The following SYT9 variants were observed in gnomAD, a reference collection of about 807,000 sequenced individuals.
SYT9 encodes synaptotagmin-9.
Under a neutral mutation model 48.4 loss-of-function variants are expected in SYT9, and 22 were observed. That is an observed-to-expected ratio of 0.45 (90% CI 0.32 to 0.65). SYT9 has a LOEUF of 0.65. Ranked by LOEUF, SYT9 falls within the 30% of genes least tolerant of loss-of-function variation. SYT9 has a pLI of 0.03. For synonymous variants in SYT9, 265 were observed against 245.0 expected (o/e 1.08, Z -0.76); for missense variants, 577 against 622.0 (o/e 0.93, Z 0.77).
chr11:7,240,416 CA>C (rs1847728692), intron 1 of SYT9, among the ~76,000 whole-genome samples: 1 of 152,046 alleles, frequency 6.6e-6, no homozygotes, highest in African/African-American at 2.4e-5. Flanking sequence ...AAAACAAAAA[CA>C]AAAAACTCCA....
chr11:7,369,741 G>T (rs1850322409), intron 3 of SYT9, among the ~76,000 whole-genome samples: 1 of 147,298 alleles, frequency 6.8e-6, no homozygotes. Flanking sequence ...GGATATATAG[G>T]CTTGTTAACT....
intron 1 of SYT9, among the ~76,000 whole-genome samples, chr11:7,260,714 C>T (rs1848062960): frequency 6.6e-6 from 1 of 152,142 alleles, no homozygotes; most frequent in Admixed American, 6.5e-5. Flanking sequence ...AGGTAAGGTC[C>T]TAACAGATTG....
intron 3 of SYT9, among the ~76,000 whole-genome samples, chr11:7,344,143 C>T (rs1478169621): frequency 6.6e-6 from 1 of 152,188 alleles, no homozygotes; most frequent in Admixed American, 6.5e-5. Context: ...AACACTTCCA[C>T]ACTTGATTAT....
intron 3 of SYT9, among the ~76,000 whole-genome samples, chr11:7,337,247 C>A (rs996486018): frequency 6.6e-6 from 1 of 151,938 alleles, no homozygotes; most frequent in African/African-American, 2.4e-5. Flanking sequence ...AGCTTTGGGG[C>A]CAAAAAGATG....
chr11:7,346,746 G>A (rs1039087802), intron 3 of SYT9, among the ~76,000 whole-genome samples: 12 of 152,136 alleles, frequency 7.9e-5, no homozygotes, highest in Non-Finnish European at 4.4e-5. Flanking sequence ...TATGTAATCT[G>A]TCTGCTCAAT....
intron 1 of SYT9, among the ~76,000 whole-genome samples, chr11:7,256,485 G>T (rs1003699050): frequency 6.6e-6 from 1 of 152,194 alleles, no homozygotes. Context: ...AACTAGCCCA[G>T]GGCCATGGAG....
intron 3 of SYT9, among the ~76,000 whole-genome samples, chr11:7,408,253 T>C (rs2134085801): frequency 6.6e-6 from 1 of 152,206 alleles, no homozygotes; most frequent in Non-Finnish European, 1.5e-5. Context: ...CTCAGCCTCC[T>C]GAGTAGCTGG....
chr11:7,416,315 A>G (rs1847247716), intron 4 of SYT9, among the ~76,000 whole-genome samples, 153 bp downstream of exon 4: 1 of 152,208 alleles, frequency 6.6e-6, no homozygotes, highest in African/African-American at 2.4e-5. Context: ...TGGGCAAGTC[A>G]TTTTACCTCT....
At chr11:7,406,458 T>C (rs1003368337) in intron 3 of SYT9, among the ~76,000 whole-genome samples, 1 of 151,580 alleles carries the variant, frequency 6.6e-6, no homozygotes, top group Admixed American at 6.6e-5. Flanking sequence ...CTTAACGTAA[T>C]GACCTCCATT....
chr11:7,321,697 GTATGAGC>G (rs1390872590), intron 3 of SYT9, among the ~76,000 whole-genome samples: 1 of 152,104 alleles, frequency 6.6e-6, no homozygotes, highest in Admixed American at 6.5e-5. Context: ...AGTCAGCAAT[GTATGAGC>G]TGTTGGCAAC....
At chr11:7,320,699 T>G (rs937236215) in intron 3 of SYT9, among the ~76,000 whole-genome samples, 1 of 152,216 alleles carries the variant, frequency 6.6e-6, no homozygotes, top group Non-Finnish European at 1.5e-5. Flanking sequence ...AAGGAGAGTG[T>G]GAGTTTTATA....
rs1848968174 is a variant in SYT9 at position 7,303,336 on chromosome 11, G to A, written c.443G>A (p.Cys148Tyr). ...LSTQTGIQEN[C>Y]AHGVRVQRQV... ...ACCCAGACGGGGATCCAGGAGAACT[G>A]TGCCCATGGCGTCCGCGTGCAGCGC... The change falls in exon 2 of 7, where the codon TGT becomes TAT. Residue 148 changes from cysteine (C) to tyrosine (Y), a missense_variant. Coordinates refer to ENST00000318881, the MANE Select transcript of SYT9 (RefSeq NM_175733.4). 3 of 1,613,502 alleles carry A rather than the reference G, an allele frequency of 1.9e-6. No homozygotes were observed. The highest frequency in any genetic ancestry group is 2.5e-6 in the Non-Finnish European group (3 of 1,180,008).
chr11:7,264,270 T>G (rs1246231149), intron 1 of SYT9, among the ~76,000 whole-genome samples: 1 of 152,148 alleles, frequency 6.6e-6, no homozygotes, highest in Admixed American at 6.5e-5. Flanking sequence ...GGGAAGGAAG[T>G]GTAATTGCCA....
chr11:7,245,255 C>T (rs897938749), intron 1 of SYT9, among the ~76,000 whole-genome samples: 2 of 152,120 alleles, frequency 1.3e-5, no homozygotes, highest in African/African-American at 4.8e-5. Context: ...ATAATGTGTG[C>T]CTTGCTGGGT....
chr11:7,372,493 T>C (rs530856217), intron 3 of SYT9, among the ~76,000 whole-genome samples: 2 of 152,210 alleles, frequency 1.3e-5, no homozygotes, highest in South Asian at 4.1e-4. Flanking sequence ...TAAAATTTTT[T>C]ATGAAGATGA....
At chr11:7,462,184 T>G (rs955847365) in intron 6 of SYT9, among the ~76,000 whole-genome samples, 23 of 152,252 alleles carry the variant, frequency 1.5e-4, no homozygotes, top group African/African-American at 5.5e-4. Context: ...TGGTGGCAGA[T>G]TCTGGCTCTG....
At chr11:7,302,908 C>A in intron 1 of SYT9, 131 bp from the exon 2 acceptor site, 1 of 759,578 alleles carries the variant, frequency 1.3e-6, no homozygotes, top group Non-Finnish European at 2.2e-6. Flanking sequence ...CCCAGCCATG[C>A]GCCCCAGCAT....
chr11:7,340,238 AT>A (rs1006784206), intron 3 of SYT9, among the ~76,000 whole-genome samples: 3 of 151,992 alleles, frequency 2.0e-5, no homozygotes, highest in African/African-American at 7.2e-5. Context: ...TATATTGGCT[AT>A]TTTTTCTATC....
chr11:7,368,341 T>A (rs1000206013), intron 3 of SYT9, among the ~76,000 whole-genome samples: 3 of 123,002 alleles, frequency 2.4e-5, no homozygotes, highest in African/African-American at 1.1e-4. Context: ...ATTTGGATAA[T>A]GGGGTTTTGT....
Sources: allele counts gnomAD v4.1 joint callset (sites outside exome capture counted in the v4.1 genomes callset), GRCh38; gene constraint gnomAD v4.1.1; transcripts MANE v1.5; gene names NCBI Gene and HGNC (gene_info 2026-07-23, HGNC 2026-07-21).